NAV2: variants seen among roughly 807,000 people sequenced by gnomAD.
NAV2 encodes the protein neuron navigator 2.
NAV2 carries 54 observed loss-of-function variants against 223.2 expected under a neutral mutation model. That is an observed-to-expected ratio of 0.24 (90% CI 0.19 to 0.30). NAV2 has a LOEUF of 0.30. Among genes scored for constraint, NAV2 ranks in the 10% least tolerant of loss-of-function variants. The pLI is 1.00. For missense variants in NAV2, 2,806 were observed against 3,147.5 expected (o/e 0.89, Z 2.60); for synonymous variants, 1,279 against 1,239.3 (o/e 1.03, Z -0.67).
intron 1 of NAV2, among the ~76,000 whole-genome samples, chr11:19,809,498 A>G (rs2152805708): frequency 6.6e-6 from 1 of 152,370 alleles, no homozygotes; most frequent in South Asian, 2.1e-4. Flanking sequence ...AAGTTGCCAT[A>G]TACCCCACCC....
At chr11:19,808,387 G>A (rs942491992) in intron 1 of NAV2, among the ~76,000 whole-genome samples, 4 of 152,192 alleles carry the variant, frequency 2.6e-5, no homozygotes, top group Admixed American at 6.5e-5. Context: ...CAAAAGCGGG[G>A]TCACAAGAGC....
At chr11:19,672,629 G>A (rs892411927) in intron 1 of NAV2, among the ~76,000 whole-genome samples, 3 of 152,126 alleles carry the variant, frequency 2.0e-5, no homozygotes, top group Non-Finnish European at 2.9e-5. Flanking sequence ...GGGATGGAGG[G>A]CAGGAGGGAT....
chr11:19,863,276 G>A (rs919140963), intron 3 of NAV2, among the ~76,000 whole-genome samples: 8 of 152,154 alleles, frequency 5.3e-5, no homozygotes, highest in African/African-American at 1.9e-4. Context: ...CCCCAATGTG[G>A]CCCCATCTAC....
chr11:19,853,875 C>T (rs912472299), intron 3 of NAV2, among the ~76,000 whole-genome samples: 1 of 152,086 alleles, frequency 6.6e-6, no homozygotes, highest in African/African-American at 2.4e-5. Context: ...TGTCCATTTG[C>T]TCACACTGCT....
chr11:19,926,180 T>TA (rs963709155), intron 6 of NAV2, among the ~76,000 whole-genome samples: 32 of 152,186 alleles, frequency 2.1e-4, no homozygotes, highest in African/African-American at 4.3e-4. Context: ...CATTTGATTA[T>TA]AAAAAAACCA....
At chr11:19,496,142 A>C (rs2042787102) in intron 1 of NAV2, among the ~76,000 whole-genome samples, 1 of 152,254 alleles carries the variant, frequency 6.6e-6, no homozygotes. Flanking sequence ...CAGAGTCACA[A>C]AGTGACTATT....
chr11:19,882,550 T>C (rs1470434274), intron 5 of NAV2, among the ~76,000 whole-genome samples: 1 of 152,198 alleles, frequency 6.6e-6, no homozygotes, highest in East Asian at 1.9e-4. Flanking sequence ...CCAAGGAACA[T>C]GCATTGAGAA....
intron 1 of NAV2, among the ~76,000 whole-genome samples, chr11:19,508,228 T>A (rs1419021299): frequency 6.6e-6 from 1 of 152,116 alleles, no homozygotes. Context: ...CCTCTGGAGT[T>A]GCAGCAACTC....
intron 6 of NAV2, among the ~76,000 whole-genome samples, chr11:19,919,109 C>T (rs542752066): frequency 6.6e-5 from 10 of 152,116 alleles, no homozygotes; most frequent in South Asian, 2.1e-4. Flanking sequence ...TTTAGGATTC[C>T]GAAGAGAAAT....
intron 1 of NAV2, among the ~76,000 whole-genome samples, chr11:19,514,920 C>G (rs528704345): frequency 5.3e-5 from 8 of 152,118 alleles, no homozygotes; most frequent in East Asian, 1.9e-4. Flanking sequence ...AATCATCCAC[C>G]CTTCGTTTCA....
chr11:19,724,952 G>A (rs559144098), intron 1 of NAV2, among the ~76,000 whole-genome samples: 11 of 152,370 alleles, frequency 7.2e-5, no homozygotes, highest in Admixed American at 2.0e-4. Flanking sequence ...TTGAACTGCA[G>A]CTTGGACAGG....
intron 11 of NAV2, chr11:20,022,982 G>A: frequency 4.2e-6 from 6 of 1,431,262 alleles, no homozygotes; most frequent in Non-Finnish European, 5.7e-6. Flanking sequence ...TAGTTACAGA[G>A]TTGCTGGGTG....
At chr11:19,795,290 T>C (rs2057803008) in intron 1 of NAV2, among the ~76,000 whole-genome samples, 1 of 152,252 alleles carries the variant, frequency 6.6e-6, no homozygotes. Context: ...AGAACATTTA[T>C]TTGTAAGATT....
chr11:19,614,319 C>A (rs139407932), intron 1 of NAV2, among the ~76,000 whole-genome samples: 1 of 152,314 alleles, frequency 6.6e-6, no homozygotes, highest in East Asian at 1.9e-4. Flanking sequence ...CCCTTGGCTG[C>A]TCAGGACAGA....
In NAV2 at chr11:20,077,551, G is replaced by C; in HGVS notation, c.4984-1G>C. The C allele has an allele frequency of 6.2e-7, 1 of 1,612,910 alleles. No homozygotes were observed. ...AACTGAGGTTGTGTCTTCCCCTCCA[G>C]GCTCACCTTGTGGCAGCCTTTGAAC... On this transcript the variant is annotated splice_acceptor_variant, in intron 22 of 37. Transcript: ENST00000349880. LOFTEE classifies it high-confidence loss of function.
intron 4 of NAV2, among the ~76,000 whole-genome samples, chr11:19,873,346 C>T (rs759306444): frequency 3.4e-4 from 52 of 152,014 alleles, no homozygotes; most frequent in Non-Finnish European, 5.9e-5. Context: ...AGTGGGGCTA[C>T]ACAGAAGTGG....
At chr11:19,642,590 C>T (rs576831104) in intron 1 of NAV2, among the ~76,000 whole-genome samples, 1 of 152,250 alleles carries the variant, frequency 6.6e-6, no homozygotes, top group South Asian at 2.1e-4. Flanking sequence ...CTGGATGTGC[C>T]AAGGCGCTGT....
intron 1 of NAV2, among the ~76,000 whole-genome samples, chr11:19,660,842 C>T (rs2048257401): frequency 6.6e-6 from 1 of 152,128 alleles, no homozygotes; most frequent in Admixed American, 6.5e-5. Context: ...GTAGTAGTAG[C>T]AATCATAATA....
chr11:20,093,242 G>A, intron 29 of NAV2, 43 bp downstream of exon 29: 1 of 1,310,110 alleles, frequency 7.6e-7, no homozygotes, highest in Non-Finnish European at 1.1e-6. Context: ...CCCTCCCCCA[G>A]GTAGAACTAC....
Sources: gnomAD v4.1 joint callset for allele counts (sites outside exome capture counted in the v4.1 genomes callset) on GRCh38, gnomAD v4.1.1 for gene constraint, MANE v1.5 for transcripts, NCBI Gene and HGNC (gene_info 2026-07-23, HGNC 2026-07-21) for gene names.